Variants in SUGCT observed in about 807,000 individuals in gnomAD.
The protein encoded by SUGCT is succinyl-CoA:glutarate-CoA transferase, also known as succinyl-CoA:glutarate CoA-transferase.
A neutral mutation model predicts 55.0 loss-of-function variants in SUGCT; 41 were observed. That is an observed-to-expected ratio of 0.74 (90% CI 0.58 to 0.97). The LOEUF (loss-of-function observed/expected upper bound fraction) is 0.97. SUGCT is among the 50% of genes least tolerant of loss of function. The probability of loss-of-function intolerance (pLI) is 0.00; values close to 1 mark genes in which losing one functional copy is unlikely to be tolerated. For missense variants in SUGCT, 568 were observed against 547.8 expected, an observed-to-expected ratio of 1.04 and a Z score of -0.37; for synonymous variants, 187 against 200.4, an observed-to-expected ratio of 0.93 and a Z score of 0.56.
intron 12 of SUGCT, among the ~76,000 whole-genome samples, chr7:40,618,308 A>G (rs1245797502): frequency 6.6e-6 from 1 of 152,170 alleles, no homozygotes; most frequent in East Asian, 1.9e-4. Context: ...TGCTCAGGAC[A>G]CAAATCTTGA....
At chr7:40,916,244 ACTT>A in the SUGCT span, among the ~76,000 whole-genome samples, 16 of 152,136 alleles carry the variant, frequency 1.1e-4, no homozygotes, top group African/African-American at 2.7e-4. Flanking sequence ...TATGGGATCT[ACTT>A]CTTCTCAGTC....
the SUGCT span, among the ~76,000 whole-genome samples, chr7:40,919,165 C>T: frequency 6.6e-6 from 1 of 152,204 alleles, no homozygotes; most frequent in African/African-American, 2.4e-5. Context: ...ACAGATAACT[C>T]ACACATTTAT....
the SUGCT span, among the ~76,000 whole-genome samples, chr7:41,001,706 A>C: frequency 6.6e-6 from 1 of 152,098 alleles, no homozygotes; most frequent in Non-Finnish European, 1.5e-5. Context: ...TTATAAGGGC[A>C]CTAATCTGAT....
chr7:40,367,057 C>T (rs2151241003), intron 9 of SUGCT, among the ~76,000 whole-genome samples: 1 of 152,142 alleles, frequency 6.6e-6, no homozygotes, highest in East Asian at 1.9e-4. Flanking sequence ...AAATGTGGCA[C>T]ATATACACCA....
chr7:40,825,243 G>A (rs1792255254), intron 13 of SUGCT, among the ~76,000 whole-genome samples: 1 of 152,156 alleles, frequency 6.6e-6, no homozygotes, highest in Non-Finnish European at 1.5e-5. Flanking sequence ...TATGCCCAGA[G>A]GGAAAATAAA....
intron 13 of SUGCT, among the ~76,000 whole-genome samples, chr7:40,793,921 T>C (rs1790433014): frequency 6.6e-6 from 1 of 152,182 alleles, no homozygotes; most frequent in Non-Finnish European, 1.5e-5. Flanking sequence ...TGTCTCTTCA[T>C]CTGTATCTAT....
intron 8 of SUGCT, among the ~76,000 whole-genome samples, chr7:40,288,201 G>C (rs1322335153): frequency 6.6e-6 from 1 of 151,938 alleles, no homozygotes; most frequent in South Asian, 2.1e-4. Flanking sequence ...GAGTTGAAAA[G>C]TATTCCCTCC....
chr7:40,242,474 G>A (rs539916613), intron 7 of SUGCT, among the ~76,000 whole-genome samples: 64 of 151,898 alleles, frequency 4.2e-4, no homozygotes, highest in African/African-American at 1.4e-3. Flanking sequence ...GCCGAGCCTC[G>A]TATTGACACA....
chr7:40,148,947 T>G (rs1379320616), intron 1 of SUGCT, among the ~76,000 whole-genome samples: 3 of 152,198 alleles, frequency 2.0e-5, no homozygotes, highest in African/African-American at 7.2e-5. Flanking sequence ...ATTCTTGGTC[T>G]TCCAGGGAGG....
At chr7:40,475,625 G>C (rs1339528787) in intron 11 of SUGCT, among the ~76,000 whole-genome samples, 2 of 152,066 alleles carry the variant, frequency 1.3e-5, no homozygotes, top group African/African-American at 2.4e-5. Flanking sequence ...AGTATGTATT[G>C]AGCTTGAACT....
chr7:40,830,129 T>G (rs1584502229), intron 13 of SUGCT, among the ~76,000 whole-genome samples: 1 of 152,156 alleles, frequency 6.6e-6, no homozygotes, highest in Non-Finnish European at 1.5e-5. Context: ...TGTCCCCAAC[T>G]GCCACCACCC....
chr7:40,167,362 A>C (rs979226876), intron 1 of SUGCT, among the ~76,000 whole-genome samples: 7 of 152,200 alleles, frequency 4.6e-5, no homozygotes, highest in African/African-American at 7.2e-5. Context: ...GAAATTGAGG[A>C]AGAGGTAGTT....
intron 11 of SUGCT, among the ~76,000 whole-genome samples, chr7:40,492,598 C>T (rs530420806): frequency 6.6e-6 from 1 of 152,190 alleles, no homozygotes; most frequent in Non-Finnish European, 1.5e-5. Flanking sequence ...ACTTGGGGCA[C>T]GGGAGATTTC....
the SUGCT span, among the ~76,000 whole-genome samples, chr7:40,901,990 A>G: frequency 1.3e-5 from 2 of 152,156 alleles, no homozygotes; most frequent in Non-Finnish European, 2.9e-5. Context: ...CTTGGGTTAA[A>G]ACACAGTATC....
chr7:40,532,730 A>G (rs899406884), intron 12 of SUGCT, among the ~76,000 whole-genome samples: 1 of 152,086 alleles, frequency 6.6e-6, no homozygotes, highest in Admixed American at 6.5e-5. Flanking sequence ...TTAAGAGGGG[A>G]TGTTCATAAA....
At chr7:40,503,298 A>G (rs1049187888) in intron 12 of SUGCT, among the ~76,000 whole-genome samples, 48 of 152,190 alleles carry the variant, frequency 3.2e-4, no homozygotes, top group Middle Eastern at 3.2e-3. Context: ...TATAATTGCA[A>G]TCAAAGTCCT....
At chr7:40,431,787 G>A (rs926416826) in intron 9 of SUGCT, among the ~76,000 whole-genome samples, 8 of 151,932 alleles carry the variant, frequency 5.3e-5, no homozygotes, top group Admixed American at 1.3e-4. Flanking sequence ...TTTTTATGCC[G>A]TCATAAATGG....
At chr7:40,348,312 G>A (rs1303205645) in intron 9 of SUGCT, among the ~76,000 whole-genome samples, 1 of 152,196 alleles carries the variant, frequency 6.6e-6, no homozygotes, top group Admixed American at 6.5e-5. Flanking sequence ...TCTCATGGCC[G>A]GAGCTCTAGT....
At chr7:40,152,574 A>G in intron 1 of SUGCT, 1 of 196,700 alleles carries the variant, frequency 5.1e-6, no homozygotes. Flanking sequence ...TCGGTTGATA[A>G]CTTATTTGTG....
Sources: allele counts gnomAD v4.1 joint callset (sites outside exome capture counted in the v4.1 genomes callset), GRCh38; gene constraint gnomAD v4.1.1; transcripts MANE v1.5; gene names NCBI Gene and HGNC (gene_info 2026-07-23, HGNC 2026-07-21).